CFAP161: variants seen among roughly 807,000 people sequenced by gnomAD.
CFAP161 encodes cilia- and flagella-associated protein 161.
CFAP161 carries 25 observed loss-of-function variants against 29.0 expected under a neutral mutation model. That is an observed-to-expected ratio of 0.86 (90% CI 0.63 to 1.20). The LOEUF (loss-of-function observed/expected upper bound fraction) is 1.20. Among genes scored for constraint, CFAP161 ranks in the 50% most tolerant of loss-of-function variants. The probability of loss-of-function intolerance (pLI) is 0.00; values close to 1 mark genes in which losing one functional copy is unlikely to be tolerated. For synonymous variants in CFAP161, 116 were observed against 137.4 expected (o/e 0.84, Z 1.09); for missense variants, 367 against 371.9 (o/e 0.99, Z 0.11).
intron 1 of CFAP161, among the ~76,000 whole-genome samples, chr15:81,125,856 T>G (rs1394856665): frequency 6.6e-6 from 1 of 152,058 alleles, no homozygotes; most frequent in Non-Finnish European, 1.5e-5. Context: ...TCATTGTTTT[T>G]TTTGTTTGTT....
intron 1 of CFAP161, among the ~76,000 whole-genome samples, chr15:81,115,093 A>G (rs1045820954): frequency 2.4e-4 from 37 of 152,320 alleles, no homozygotes; most frequent in African/African-American, 8.7e-4. Flanking sequence ...GATTTTTTGT[A>G]TAAGTTTGTG....
intron 1 of CFAP161, chr15:81,118,217 G>T: frequency 4.1e-6 from 2 of 491,986 alleles, no homozygotes; most frequent in South Asian, 1.9e-5. Context: ...AGCTTGGGGA[G>T]ATTTGAAATT....
chr15:81,136,701 A>G lies in CFAP161; in HGVS notation c.345A>G (p.Ala115=). ...TAGAGGTACCCTGTGGCCTGAGCGC[A>G]GTTCAAGCCAAGACCCCAATTGGCA... ...DELEVPCGLS[A]VQAKTPIGRN... is the part of the protein sequence containing the mutation. Residue 115 remains alanine, a synonymous_variant, in exon 3 of 7, where the codon GCA becomes GCG. Coordinates refer to ENST00000286732, the MANE Select transcript of CFAP161 (RefSeq NM_173528.4). 2 of 1,614,174 alleles carry G rather than the reference A, an allele frequency of 1.2e-6. No homozygotes were observed. Among genetic ancestry groups the G allele is most frequent in the Non-Finnish European group, 8.5e-7 (1 of 1,180,028 alleles).
intron 6 of CFAP161, 144 bp downstream of exon 6, chr15:81,148,075 G>C: frequency 1.4e-6 from 1 of 736,600 alleles, no homozygotes; most frequent in Non-Finnish European, 2.2e-6. Flanking sequence ...GAACTTCAAT[G>C]GTGTGAAAAA....
chr15:81,111,188 A>G (rs1204966647), intron 1 of CFAP161, among the ~76,000 whole-genome samples: 2 of 152,154 alleles, frequency 1.3e-5, no homozygotes, highest in East Asian at 1.9e-4. Context: ...ACATGTAACT[A>G]CTTGTTCAGA....
At chr15:81,109,672 C>G (rs1161246759) in intron 1 of CFAP161, among the ~76,000 whole-genome samples, 1 of 152,064 alleles carries the variant, frequency 6.6e-6, no homozygotes, top group Non-Finnish European at 1.5e-5. Flanking sequence ...CCATGGCACC[C>G]CAACCTAGAT....
chr15:81,147,175 T>C (rs1895022892), intron 5 of CFAP161, among the ~76,000 whole-genome samples: 1 of 151,976 alleles, frequency 6.6e-6, no homozygotes, highest in African/African-American at 2.4e-5. Flanking sequence ...CCCTCTCACA[T>C]GTAAAATGTG....
intron 1 of CFAP161, among the ~76,000 whole-genome samples, chr15:81,102,505 C>CA (rs1047459683): frequency 4.5e-4 from 65 of 143,756 alleles, no homozygotes; most frequent in South Asian, 1.3e-3. Context: ...TCTGTCTCTA[C>CA]AAAAAAAAAA....
intron 1 of CFAP161, among the ~76,000 whole-genome samples, chr15:81,107,599 C>G (rs1894387621): frequency 6.6e-6 from 1 of 152,070 alleles, no homozygotes; most frequent in African/African-American, 2.4e-5. Flanking sequence ...GTGGCGTGTG[C>G]CTGTAATCCC....
chr15:81,118,343 T>G (rs1225366872), intron 1 of CFAP161: 1 of 391,696 alleles, frequency 2.6e-6, no homozygotes, highest in Non-Finnish European at 4.8e-6. Context: ...TCTCGAACCC[T>G]CTTTAAACAC....
chr15:81,137,423 C>T (rs1231234682), intron 3 of CFAP161, among the ~76,000 whole-genome samples: 1 of 151,310 alleles, frequency 6.6e-6, no homozygotes, highest in East Asian at 1.9e-4. Context: ...GTCGAAACCC[C>T]ATCTCTACAA....
intron 1 of CFAP161, among the ~76,000 whole-genome samples, chr15:81,115,703 C>T (rs1361549911): frequency 6.6e-6 from 1 of 152,084 alleles, no homozygotes; most frequent in Non-Finnish European, 1.5e-5. Context: ...TGTTTTGAGA[C>T]AGGGCTCACT....
intron 2 of CFAP161, among the ~76,000 whole-genome samples, chr15:81,135,726 A>G (rs151172518): frequency 0.043 from 6,576 of 152,146 alleles, 475 homozygotes; most frequent in African/African-American, 0.15. Flanking sequence ...ATAGTATTCC[A>G]TGGTGTATAT....
chr15:81,139,290 C>G (rs1288776028), intron 4 of CFAP161, among the ~76,000 whole-genome samples: 4 of 151,656 alleles, frequency 2.6e-5, no homozygotes, highest in Admixed American at 6.6e-5. Flanking sequence ...GAAAGAGACC[C>G]TGTGTCAAAA....
intron 1 of CFAP161, among the ~76,000 whole-genome samples, chr15:81,112,829 T>C (rs1202279804): frequency 6.6e-6 from 1 of 152,232 alleles, no homozygotes; most frequent in Non-Finnish European, 1.5e-5. Flanking sequence ...TTAAGTTTTC[T>C]AGTATATAGC....
upstream of CFAP161, among the ~76,000 whole-genome samples, chr15:81,129,294 T>C (rs1894679753): frequency 6.6e-6 from 1 of 152,052 alleles, no homozygotes; most frequent in African/African-American, 2.4e-5. Flanking sequence ...AGGGACCTAG[T>C]GTATTATTTT....
chr15:81,136,734 T>G lies in CFAP161; in HGVS notation c.378T>G (p.Thr126=), dbSNP rs773748600. 2 of 1,613,142 alleles carry G rather than the reference T, an allele frequency of 1.2e-6. No individual in the cohort carries two copies. Among genetic ancestry groups the G allele is most frequent in the Admixed American group, 1.7e-5 (1 of 60,004 alleles). Residue 126 remains threonine, a synonymous_variant, in exon 3 of 7, where the codon ACT becomes ACG. Coordinates refer to ENST00000286732, the MANE Select transcript of CFAP161 (RefSeq NM_173528.4). Reference sequence around the variant, plus strand: ...CCAAGACCCCAATTGGCAGAAACACTTTTATCATTTTGAGGTAAAGAGACT... The same window carrying G: ...CCAAGACCCCAATTGGCAGAAACACGTTTATCATTTTGAGGTAAAGAGACT... ...VQAKTPIGRN[T]FIILSVHRDA...
intron 4 of CFAP161, among the ~76,000 whole-genome samples, chr15:81,143,309 TCAAAACAAAACAAAA>T (rs200583269): frequency 3.9e-5 from 6 of 152,086 alleles, no homozygotes; most frequent in African/African-American, 1.4e-4. Flanking sequence ...AGACCCTGTC[TCAAAACAAAACAAAA>T]CAAAACAAAA....
At chr15:81,133,245 G>A (rs1247595149), upstream of CFAP161, among the ~76,000 whole-genome samples, 1 of 131,452 alleles carries the variant, frequency 7.6e-6, no homozygotes, top group African/African-American at 2.9e-5. Context: ...TTAAATTGGA[G>A]ATGGGGTCTC....
Sources: gnomAD v4.1 joint callset for allele counts (sites outside exome capture counted in the v4.1 genomes callset) on GRCh38, gnomAD v4.1.1 for gene constraint, MANE v1.5 for transcripts, NCBI Gene and HGNC (gene_info 2026-07-23, HGNC 2026-07-21) for gene names.